The following TLE1 variants were observed in gnomAD, a reference collection of about 807,000 sequenced individuals.
TLE1 encodes transducin-like enhancer protein 1.
TLE1 carries 21 observed loss-of-function variants against 89.8 expected under a neutral mutation model. That is an observed-to-expected ratio of 0.23 (90% CI 0.17 to 0.34). The LOEUF (loss-of-function observed/expected upper bound fraction) is 0.34. Ranked by LOEUF, TLE1 falls within the 10% of genes least tolerant of loss-of-function variation. The pLI is 1.00. For missense variants in TLE1, 795 were observed against 1,031.2 expected (o/e 0.77, Z 3.14); for synonymous variants, 447 against 407.6 (o/e 1.10, Z -1.16).
At chr9:81,592,674 A>G (rs1829709186) in intron 15 of TLE1, among the ~76,000 whole-genome samples, 1 of 152,212 alleles carries the variant, frequency 6.6e-6, no homozygotes, top group South Asian at 2.1e-4. Context: ...TAGGTCAATT[A>G]AAAAACGAGT....
Position 81,613,510 on chromosome 9 carries a change from G to A in TLE1, c.930C>T (p.Ala310=), listed in dbSNP as rs1395436541. ...TGCTGGATTTCAGAACAGGCGTGCTGGCTTTTTCATGCTGGTGTCATTAAA... is the reference window on the plus strand; with the variant it reads ...TGCTGGATTTCAGAACAGGCGTGCTAGCTTTTTCATGCTGGTGTCATTAAA... ...KSKEMSLHEK[A]STPVLKSSTP... The change falls in exon 12 of 20, where the codon GCC becomes GCT. Residue 310 remains alanine, a synonymous_variant. Transcript: ENST00000376499. The A allele has an allele frequency of 6.2e-7, 1 of 1,614,080 alleles. No homozygotes were observed. Among genetic ancestry groups the A allele is most frequent in the Non-Finnish European group, 8.5e-7 (1 of 1,180,018 alleles).
At chr9:81,600,486 G>C (rs1433476171) in intron 14 of TLE1, among the ~76,000 whole-genome samples, 1 of 152,060 alleles carries the variant, frequency 6.6e-6, no homozygotes, top group Non-Finnish European at 1.5e-5. Flanking sequence ...TTTTAAAAAG[G>C]AACGGCCTCA....
intron 4 of TLE1, among the ~76,000 whole-genome samples, chr9:81,660,976 C>CACACACAT (rs902002045): frequency 9.5e-6 from 1 of 105,220 alleles, no homozygotes; most frequent in Non-Finnish European, 2.1e-5. Context: ...CACACACACA[C>CACACACAT]ACATTTAGCC....
Position 81,593,179 on chromosome 9 carries a change from C to T in TLE1, c.1427G>A (p.Arg476His), listed in dbSNP as rs752740736. 7 of 1,613,734 alleles carry T rather than the reference C, an allele frequency of 4.3e-6. No homozygotes were observed. The highest frequency in any genetic ancestry group is 1.1e-5 in the South Asian group (1 of 91,042). ...CCCGTGGTTGAGGGTGTTGATCTGG[C>T]GAGCATGCCGGGGGATTCCGGGTCC... Reference protein sequence around the residue: ...LIGPGIPRHARQINTLNHGEV... With the variant: ...LIGPGIPRHAHQINTLNHGEV... The change falls in exon 15 of 20, where the codon CGC (arginine) becomes CAC (histidine). Residue 476 changes from arginine (R) to histidine (H), a missense_variant. Physicochemically the swap from Arg to His is conservative, Grantham distance 29. Around this residue, in one of 4 missense-constraint regions of TLE1, gnomAD observed 468 missense variants for 509.1 expected, o/e 0.92. Transcript: ENST00000376499.
intron 4 of TLE1, among the ~76,000 whole-genome samples, chr9:81,661,792 C>A (rs114026374): frequency 1.3e-5 from 2 of 152,022 alleles, no homozygotes; most frequent in Non-Finnish European, 2.9e-5. Context: ...GAAACCTCAC[C>A]GGCAACCAAA....
At chr9:81,651,551 T>C (rs1829535411) in intron 6 of TLE1, among the ~76,000 whole-genome samples, 1 of 152,086 alleles carries the variant, frequency 6.6e-6, no homozygotes, top group South Asian at 2.1e-4. Flanking sequence ...CTCTTTTCAT[T>C]GGTGTGTGAC....
At chr9:81,630,486 ATT>A (rs1175140843) in intron 8 of TLE1, among the ~76,000 whole-genome samples, 1 of 152,188 alleles carries the variant, frequency 6.6e-6, no homozygotes, top group Non-Finnish European at 1.5e-5. Context: ...AAGTGATTTA[ATT>A]TTCTTTCTTA....
chr9:81,650,426 T>C (rs1829398579), intron 6 of TLE1, among the ~76,000 whole-genome samples: 1 of 152,226 alleles, frequency 6.6e-6, no homozygotes, highest in African/African-American at 2.4e-5. Context: ...TGAGAACTGC[T>C]TTGCATATGT....
chr9:81,635,065 T>C (rs748427807), intron 6 of TLE1, among the ~76,000 whole-genome samples: 5 of 152,134 alleles, frequency 3.3e-5, no homozygotes, highest in Non-Finnish European at 7.3e-5. Flanking sequence ...GCTGAAACTC[T>C]ATCCCTAGGC....
At chr9:81,677,903 T>C (rs143566694) in intron 4 of TLE1, among the ~76,000 whole-genome samples, 53 of 152,336 alleles carry the variant, frequency 3.5e-4, no homozygotes, top group African/African-American at 1.3e-3. Context: ...GTGGTGTATA[T>C]CTAGCATACT....
In TLE1 at chr9:81,652,304, G is replaced by A. The variant is rs1588128539; in HGVS notation, c.298-16C>T. 1 of 1,611,678 alleles carries A rather than the reference G, an allele frequency of 6.2e-7. No individual in the cohort carries two copies. On this transcript the variant is annotated splice_polypyrimidine_tract_variant and intron_variant, in intron 5 of 19. Coordinates refer to ENST00000376499, the MANE Select transcript of TLE1 (RefSeq NM_005077.5). ...GTTGTTGATGCTTTGAAAACAAGGAGAAGAAAGGGCATTAGCAACAGCCAA... is the reference window on the plus strand; with the variant it reads ...GTTGTTGATGCTTTGAAAACAAGGAAAAGAAAGGGCATTAGCAACAGCCAA...
chr9:81,595,866 CA>C (rs1393689679), intron 14 of TLE1, among the ~76,000 whole-genome samples: 3 of 149,912 alleles, frequency 2.0e-5, no homozygotes, highest in Non-Finnish European at 4.4e-5. Flanking sequence ...TTGAGTTGCA[CA>C]TGATTTAAAG....
intron 8 of TLE1, among the ~76,000 whole-genome samples, chr9:81,623,581 C>A (rs916922687): frequency 2.1e-4 from 30 of 143,224 alleles, no homozygotes; most frequent in Non-Finnish European, 3.3e-4. Flanking sequence ...GAGTTCGAGA[C>A]CAGCCTGGCC....
intron 6 of TLE1, among the ~76,000 whole-genome samples, chr9:81,637,024 GA>G (rs937639749): frequency 1.4e-4 from 21 of 148,436 alleles, no homozygotes; most frequent in East Asian, 1.2e-3. Flanking sequence ...AAAGAAAAAA[GA>G]AAAAAAAAGA....
chr9:81,641,020 G>A (rs1186831581), intron 6 of TLE1, among the ~76,000 whole-genome samples: 1 of 152,098 alleles, frequency 6.6e-6, no homozygotes, highest in Admixed American at 6.5e-5. Context: ...CCCCTAAGTG[G>A]CACCTCTGAT....
chr9:81,592,094 C>T (rs1324168333), intron 15 of TLE1, among the ~76,000 whole-genome samples: 1 of 152,176 alleles, frequency 6.6e-6, no homozygotes, highest in African/African-American at 2.4e-5. Context: ...CGCGGTGGCT[C>T]ACGCCTATAA....
chr9:81,680,687 C>G (rs1833501319), intron 4 of TLE1, among the ~76,000 whole-genome samples: 2 of 152,034 alleles, frequency 1.3e-5, no homozygotes, highest in South Asian at 4.1e-4. Flanking sequence ...AATCTAGGCT[C>G]TAAATGCAGA....
intron 8 of TLE1, among the ~76,000 whole-genome samples, chr9:81,630,847 G>A (rs1291691510): frequency 6.6e-6 from 1 of 152,126 alleles, no homozygotes; most frequent in African/African-American, 2.4e-5. Context: ...AAAGTTTGAA[G>A]AGCTACTTAA....
intron 11 of TLE1, among the ~76,000 whole-genome samples, chr9:81,613,968 C>T (rs1236413096): frequency 2.2e-5 from 3 of 139,114 alleles, no homozygotes; most frequent in Non-Finnish European, 3.0e-5. Flanking sequence ...AGTGCAGTGG[C>T]GCAATCTCGG....
Sources: allele counts gnomAD v4.1 joint callset (sites outside exome capture counted in the v4.1 genomes callset), GRCh38; gene constraint gnomAD v4.1.1; regional missense constraint gnomAD v4.1.1; transcripts MANE v1.5; gene names NCBI Gene and HGNC (gene_info 2026-07-23, HGNC 2026-07-21).